Variants in ANKRD27 observed in about 807,000 individuals in gnomAD.
ANKRD27 encodes the protein ankyrin repeat domain-containing protein 27.
A neutral mutation model predicts 129.7 loss-of-function variants in ANKRD27; 112 were observed. The ratio of observed to expected loss-of-function variants is 0.86; its 90% CI spans 0.74 to 1.01. The LOEUF (loss-of-function observed/expected upper bound fraction) is 1.01, where lower values mean the gene tolerates loss of function less well. Among genes scored for constraint, ANKRD27 ranks in the 50% least tolerant of loss-of-function variants. The pLI is 0.00. For synonymous variants in ANKRD27, 516 were observed against 511.2 expected, an observed-to-expected ratio of 1.01 and a Z score of -0.13; for missense variants, 1,258 against 1,300.5, an observed-to-expected ratio of 0.97 and a Z score of 0.50.
chr19:32,631,661 G>A (rs8110604), intron 12 of ANKRD27, among the ~76,000 whole-genome samples, 167 bp from the exon 13 acceptor site: 21,767 of 152,200 alleles, frequency 0.14, 2,708 homozygotes, highest in African/African-American at 0.34. Flanking sequence ...GACGTCAGGT[G>A]GGGAGAAGGC....
At chr19:32,600,264 G>C (rs1971632302) in intron 26 of ANKRD27, 1 of 428,450 alleles carries the variant, frequency 2.3e-6, no homozygotes, top group Non-Finnish European at 4.3e-6. Flanking sequence ...CACAGGCTGG[G>C]TGCAGTGGCT....
chr19:32,661,981 A>G (rs1232554809), intron 1 of ANKRD27, among the ~76,000 whole-genome samples: 1 of 152,170 alleles, frequency 6.6e-6, no homozygotes, highest in Non-Finnish European at 1.5e-5. Context: ...ATCCTCTGGC[A>G]GGTCTTTTTG....
intron 1 of ANKRD27, among the ~76,000 whole-genome samples, chr19:32,670,953 T>C (rs116931412): frequency 0.013 from 1,997 of 152,000 alleles, 25 homozygotes; most frequent in Non-Finnish European, 0.022. Flanking sequence ...ACCATTGCAC[T>C]CCAGTCTGTG....
intron 25 of ANKRD27, among the ~76,000 whole-genome samples, chr19:32,602,843 T>C (rs1971673694): frequency 6.6e-6 from 1 of 151,518 alleles, no homozygotes; most frequent in Admixed American, 6.6e-5. Flanking sequence ...GAGCCAAGAT[T>C]GCACCATTAT....
chr19:32,602,634 T>TA (rs1971670889), intron 25 of ANKRD27, among the ~76,000 whole-genome samples: 1 of 151,922 alleles, frequency 6.6e-6, no homozygotes, highest in Non-Finnish European at 1.5e-5. Flanking sequence ...GGCTCACGCC[T>TA]GTAATCTCAG....
Position 32,607,794 on chromosome 19 carries a change from G to A in ANKRD27, c.2214C>T (p.Asn738=), listed in dbSNP as rs559038018. Reference sequence around the variant, plus strand: ...GGGAGGAGCCGTCCTGGCTGGTCACGTTCACACCAAGCCCACTGGCAGGAA... The same window carrying A: ...GGGAGGAGCCGTCCTGGCTGGTCACATTCACACCAAGCCCACTGGCAGGAA... ...AKVPASGLGV[N]VTSQDGSSPL... Residue 738 remains asparagine, a synonymous_variant, in exon 23 of 29, where the codon AAC becomes AAT. Coordinates refer to ENST00000306065, the MANE Select transcript of ANKRD27 (RefSeq NM_032139.3). 142 of 1,610,546 alleles carry A rather than the reference G, an allele frequency of 8.8e-5. No individual in the cohort carries two copies. In the South Asian group the frequency reaches 1.1e-3, roughly 13 times the overall value.
intron 27 of ANKRD27, 60 bp downstream of exon 27, chr19:32,599,912 G>T: frequency 6.6e-7 from 1 of 1,523,710 alleles, no homozygotes; most frequent in Non-Finnish European, 9.1e-7. Context: ...AGCAGCTTAC[G>T]TGCAGCTTGG....
chr19:32,600,036 A>G lies in ANKRD27; in HGVS notation c.2782T>C (p.Tyr928His). The G allele has an allele frequency of 6.2e-7, 1 of 1,612,548 alleles. No individual in the cohort carries two copies. Among genetic ancestry groups the G allele is most frequent in the Non-Finnish European group, 8.5e-7 (1 of 1,178,798 alleles). Residue 928 changes from tyrosine (Y) to histidine (H), a missense_variant, in exon 27 of 29, where the codon TAT becomes CAT. By Grantham distance (83) the Tyr-to-His change is moderately conservative. Transcript: ENST00000306065. ...KIRKKWNSKL[Y>H]DLPDEPFTRQ... ...GTAAAAGGCTCATCTGGTAGATCATACAGTTTTGAGTTCCCTGTAGATAAA... is the reference window on the plus strand; with the variant it reads ...GTAAAAGGCTCATCTGGTAGATCATGCAGTTTTGAGTTCCCTGTAGATAAA...
intron 10 of ANKRD27, among the ~76,000 whole-genome samples, chr19:32,641,820 T>G (rs117010041): frequency 3.4e-5 from 5 of 148,532 alleles, no homozygotes; most frequent in African/African-American, 1.3e-4. Context: ...CAGGCTGTAG[T>G]GCACTGGTGT....
At chr19:32,607,979 T>G (rs939258925) in intron 22 of ANKRD27, 147 bp from the exon 23 acceptor site, 22 of 840,744 alleles carry the variant, frequency 2.6e-5, no homozygotes, top group Non-Finnish European at 2.9e-5. Flanking sequence ...TGTTTAGAAG[T>G]ATGTGGCATG....
chr19:32,615,121 G>A (rs554734599), intron 22 of ANKRD27, among the ~76,000 whole-genome samples: 3 of 152,212 alleles, frequency 2.0e-5, no homozygotes, highest in African/African-American at 7.2e-5. Flanking sequence ...CCAGATAGCA[G>A]CCAAAACGCT....
intron 26 of ANKRD27, 33 bp downstream of exon 26, chr19:32,601,982 C>T: frequency 7.1e-7 from 1 of 1,402,500 alleles, no homozygotes; most frequent in Non-Finnish European, 1.0e-6. Flanking sequence ...ATATACCCAA[C>T]TTGAGCGTGA....
At chr19:32,607,977 A>C in intron 22 of ANKRD27, 145 bp from the exon 23 acceptor site, 1 of 842,222 alleles carries the variant, frequency 1.2e-6, no homozygotes, top group Non-Finnish European at 1.8e-6. Context: ...TTTGTTTAGA[A>C]GTATGTGGCA....
chr19:32,656,103 G>GAAAGAAAGAAAGGAAAAGAAAAGAAAAGA lies in ANKRD27; in HGVS notation c.102+2810_102+2811insTCTTTTCTTTTCTTTTCCTTTCTTTCTTT, dbSNP rs1555747136. Among the ~76,000 whole-genome samples the GAAAGAAAGAAAGGAAAAGAAAAGAAAAGA allele has an allele frequency of 1.2e-3, 147 of 123,638 alleles. 1 individual carries two copies. Among genetic ancestry groups the GAAAGAAAGAAAGGAAAAGAAAAGAAAAGA allele is most frequent in the South Asian group, 8.8e-3 (32 of 3,624 alleles). The allele number at this position is 123,638 out of a possible 152,430, so 81.1% of individuals were successfully genotyped here. A position where few individuals can be genotyped will look rare whatever the true frequency, so the allele number is the denominator to read the frequency against. On this transcript the variant is annotated intron_variant, in intron 2 of 28. Transcript: ENST00000306065. ...AGAAAGAAAGAAAGAAAGAAAGAAA[G>GAAAGAAAGAAAGGAAAAGAAAAGAAAAGA]AAAGAAAAGAAAAGAAAAGAAAAGA...
intron 1 of ANKRD27, among the ~76,000 whole-genome samples, chr19:32,671,979 C>A (rs1289922392): frequency 6.6e-6 from 1 of 152,138 alleles, no homozygotes; most frequent in South Asian, 2.1e-4. Flanking sequence ...CGTGCACACT[C>A]GTGGTTTTGT....
In ANKRD27 at chr19:32,600,263, G is replaced by C. The variant is rs1971632239; in HGVS notation, c.2768-213C>G. 13 of 429,846 alleles carry C rather than the reference G, an allele frequency of 3.0e-5. No homozygotes were observed. The South Asian group carries it at 3.5e-4, about 12-fold the overall frequency. The allele number at this position is 429,846 out of a possible 1,614,324, so 26.6% of individuals were successfully genotyped here. A position where few individuals can be genotyped will look rare whatever the true frequency, so the allele number is the denominator to read the frequency against. On this transcript the variant is annotated intron_variant, in intron 26 of 28. Coordinates refer to ENST00000306065, the MANE Select transcript of ANKRD27 (RefSeq NM_032139.3). ...CTAAAGCCTAAAATGCCACAGGCTG[G>C]GTGCAGTGGCTCATGCCTGTAATCC... is the stretch of plus-strand genomic sequence containing the variant.
chr19:32,607,524 G>T, intron 23 of ANKRD27, 111 bp downstream of exon 23: 2 of 1,294,582 alleles, frequency 1.5e-6, no homozygotes, highest in Non-Finnish European at 2.1e-6. Flanking sequence ...GGGCTCGGGG[G>T]AGCAGTGTCC....
chr19:32,598,501 A>G, intron 28 of ANKRD27, 123 bp from the exon 29 acceptor site: 1 of 822,848 alleles, frequency 1.2e-6, no homozygotes, highest in South Asian at 1.6e-5. Flanking sequence ...TGACAGGCAT[A>G]ATTTCAATTC....
At chr19:32,611,667 C>T (rs962596766) in intron 22 of ANKRD27, among the ~76,000 whole-genome samples, 22 of 152,148 alleles carry the variant, frequency 1.4e-4, no homozygotes, top group Admixed American at 3.3e-4. Context: ...CCGCAACCTC[C>T]GCCTCCTGGG....
Sources: gnomAD v4.1 joint callset for allele counts (sites outside exome capture counted in the v4.1 genomes callset) on GRCh38, gnomAD v4.1.1 for gene constraint, MANE v1.5 for transcripts, NCBI Gene and HGNC (gene_info 2026-07-23, HGNC 2026-07-21) for gene names.